The following OSTN variants were observed in gnomAD, a reference collection of about 807,000 sequenced individuals.
OSTN encodes osteocrin.
In OSTN, 9 loss-of-function variants were observed where a neutral mutation model predicts 12.0. The observed-to-expected ratio is 0.75, with a 90% CI of 0.45 to 1.30. The LOEUF (loss-of-function observed/expected upper bound fraction) is 1.30. OSTN is among the 50% of genes most tolerant of loss of function. The probability of loss-of-function intolerance (pLI) is 0.00; values close to 1 mark genes in which losing one functional copy is unlikely to be tolerated. For synonymous variants in OSTN, 59 were observed against 56.9 expected, an observed-to-expected ratio of 1.04 and a Z score of -0.16; for missense variants, 148 against 152.3, an observed-to-expected ratio of 0.97 and a Z score of 0.15.
At chr3:191,223,542 C>T (rs1714823788) in intron 3 of OSTN, among the ~76,000 whole-genome samples, 1 of 152,110 alleles carries the variant, frequency 6.6e-6, no homozygotes, top group Admixed American at 6.5e-5. Flanking sequence ...TATTTGATTG[C>T]TTCACGGCTA....
At chr3:191,217,509 A>T (rs979917196) in intron 2 of OSTN, among the ~76,000 whole-genome samples, 1 of 152,246 alleles carries the variant, frequency 6.6e-6, no homozygotes, top group Non-Finnish European at 1.5e-5. Flanking sequence ...TCATGGGAAT[A>T]TTCTCACGAT....
At chr3:191,203,672 A>G (rs1338285031) in intron 1 of OSTN, among the ~76,000 whole-genome samples, 1 of 143,138 alleles carries the variant, frequency 7.0e-6, no homozygotes, top group East Asian at 2.0e-4. Context: ...TGCATCCATA[A>G]AAATATTACT....
rs559765352 is a variant in OSTN at position 191,224,835 on chromosome 3, G to C, written c.317+5874G>C. ...GAAAATAATAATAAAAATACAATAT[G>C]ATGGGCAGAAAAGAAAATATTAGAT... On this transcript the variant is annotated intron_variant, in intron 3 of 4. Transcript: ENST00000682035. Among the ~76,000 whole-genome samples the C allele has an allele frequency of 2.0e-3, 304 of 151,978 alleles. 3 individuals are homozygous for C. Among genetic ancestry groups the C allele is most frequent in the Middle Eastern group, 3.6e-3 (1 of 276 alleles).
intron 1 of OSTN, among the ~76,000 whole-genome samples, chr3:191,212,046 CA>C (rs11367320): frequency 0.015 from 2,287 of 152,110 alleles, 42 homozygotes; most frequent in African/African-American, 0.046. Context: ...TGACATGACA[CA>C]AGGACATAAA....
chr3:191,228,034 A>T (rs1714957383), intron 3 of OSTN, among the ~76,000 whole-genome samples: 1 of 152,144 alleles, frequency 6.6e-6, no homozygotes, highest in Non-Finnish European at 1.5e-5. Context: ...CACAATGCAA[A>T]CTCAACTATC....
chr3:191,258,268 T>C (rs1425881014), intron 4 of OSTN, among the ~76,000 whole-genome samples: 1 of 152,222 alleles, frequency 6.6e-6, no homozygotes, highest in Non-Finnish European at 1.5e-5. Flanking sequence ...TTTAATTCAG[T>C]CTGTGTTTTT....
intron 3 of OSTN, among the ~76,000 whole-genome samples, chr3:191,246,067 CAAAAA>C (rs149962240): frequency 9.9e-5 from 6 of 60,360 alleles, no homozygotes; most frequent in South Asian, 1.5e-3. Flanking sequence ...AACTCTGTCT[CAAAAA>C]AAAAAAAAAA....
intron 3 of OSTN, among the ~76,000 whole-genome samples, chr3:191,248,490 T>C (rs765552880): frequency 6.6e-5 from 10 of 152,212 alleles, no homozygotes; most frequent in Admixed American, 2.0e-4. Flanking sequence ...AGTTTAATAA[T>C]ATAATACTAG....
chr3:191,212,576 T>A lies in OSTN; in HGVS notation c.44T>A (p.Val15Glu), dbSNP rs1171671938. Residue 15 changes from valine (V) to glutamate (E), a missense_variant, in exon 2 of 5, where the codon GTG (valine) becomes GAG (glutamate). Transcript: ENST00000682035. ...GCAAGTGCACATTTCATCCTGGCTG[T>A]GACACTGACACTGTGGAGCTCAGGA... ...RLASAHFILAVTLTLWSSGKV... is the reference protein window; with the variant it reads ...RLASAHFILAETLTLWSSGKV... 1.3e-6 allele frequency: 2 copies of A among 1,597,778 alleles called. No individual in the cohort carries two copies. Among genetic ancestry groups the A allele is most frequent in the Non-Finnish European group, 1.7e-6 (2 of 1,169,486 alleles).
intron 4 of OSTN, among the ~76,000 whole-genome samples, chr3:191,256,135 A>G (rs1304689200): frequency 2.6e-5 from 4 of 152,084 alleles, no homozygotes; most frequent in Non-Finnish European, 2.9e-5. Context: ...TTTCTATAGC[A>G]TATAACAATT....
At chr3:191,224,378 G>GAAAAAAAAA (rs77662219) in intron 3 of OSTN, among the ~76,000 whole-genome samples, 1 of 67,976 alleles carries the variant, frequency 1.5e-5, no homozygotes. Context: ...CTCCATCTCA[G>GAAAAAAAAA]AAAAAAAAAA....
intron 3 of OSTN, chr3:191,234,567 C>CG (rs1165950016): frequency 6.6e-6 from 1 of 152,116 alleles, no homozygotes; most frequent in Admixed American, 6.6e-5. Context: ...TGTGGTGGCA[C>CG]GCGCCTGTAA....
chr3:191,241,196 T>TTTTTTTTTG (rs1715312853), intron 3 of OSTN, among the ~76,000 whole-genome samples: 1 of 121,152 alleles, frequency 8.3e-6, no homozygotes. Context: ...TTTTTTTTTT[T>TTTTTTTTTG]GAGACGGAGC....
intron 4 of OSTN, among the ~76,000 whole-genome samples, chr3:191,253,185 T>C (rs528746754): frequency 6.6e-6 from 1 of 152,232 alleles, no homozygotes; most frequent in Admixed American, 6.5e-5. Context: ...TTTACAAAAA[T>C]CTTTGTTTCA....
At chr3:191,253,748 T>C (rs1040800389) in intron 4 of OSTN, among the ~76,000 whole-genome samples, 3 of 152,348 alleles carry the variant, frequency 2.0e-5, no homozygotes, top group Non-Finnish European at 4.4e-5. Flanking sequence ...TTCCTAGATC[T>C]GGACAAGGGA....
intron 3 of OSTN, among the ~76,000 whole-genome samples, chr3:191,220,023 T>C (rs1256243591): frequency 2.0e-5 from 3 of 152,194 alleles, no homozygotes; most frequent in Non-Finnish European, 1.5e-5. Context: ...TTGCTTACAG[T>C]ACAAAAGTCA....
At chr3:191,205,058 T>G (rs1714237404) in intron 1 of OSTN, among the ~76,000 whole-genome samples, 1 of 152,212 alleles carries the variant, frequency 6.6e-6, no homozygotes. Flanking sequence ...AGGTGTAGTT[T>G]TCTCACAGAT....
intron 3 of OSTN, among the ~76,000 whole-genome samples, chr3:191,249,783 T>C (rs1412724045): frequency 6.6e-6 from 1 of 152,230 alleles, no homozygotes; most frequent in Non-Finnish European, 1.5e-5. Context: ...TGGTTTGGTC[T>C]ATTTGAATTT....
intron 1 of OSTN, among the ~76,000 whole-genome samples, chr3:191,207,267 C>G (rs188790756): frequency 2.8e-4 from 42 of 152,220 alleles, no homozygotes; most frequent in African/African-American, 9.4e-4. Context: ...TAGACAATAT[C>G]AAGATTTACT....
Sources: allele counts gnomAD v4.1 joint callset (sites outside exome capture counted in the v4.1 genomes callset), GRCh38; gene constraint gnomAD v4.1.1; transcripts MANE v1.5; gene names NCBI Gene and HGNC (gene_info 2026-07-23, HGNC 2026-07-21).